The following ARHGEF26 variants were observed in gnomAD, a reference collection of about 807,000 sequenced individuals.
The protein encoded by ARHGEF26 is Rho guanine nucleotide exchange factor (GEF) 26.
ARHGEF26 carries 59 observed loss-of-function variants against 89.4 expected under a neutral mutation model. The observed-to-expected ratio is 0.66, with a 90% CI of 0.54 to 0.82. The LOEUF (loss-of-function observed/expected upper bound fraction) is 0.82. ARHGEF26 is among the 40% of genes least tolerant of loss of function. The pLI is 0.00. For synonymous variants in ARHGEF26, 500 were observed against 428.4 expected (o/e 1.17, Z -2.06); for missense variants, 1,234 against 1,085.6 (o/e 1.14, Z -1.92).
At chr3:154,175,722 T>A (rs1419804464) in intron 6 of ARHGEF26, among the ~76,000 whole-genome samples, 1 of 152,216 alleles carries the variant, frequency 6.6e-6, no homozygotes, top group Non-Finnish European at 1.5e-5. Flanking sequence ...GGAGGGTGTT[T>A]TAGTTCCCCC....
At position 154,253,119 on chromosome 3, in the gene ARHGEF26, C is replaced by T. The variant is rs775359695; in HGVS notation, c.2304C>T (p.Ser768=). ...VEMLLGAETQ[S]ERARWITALG... Reference sequence around the variant, plus strand: ...TTGGATCTGCCCTCTGTTTTAGGAGCGAGCGAGCCCGCTGGATAACTGCCC... The same window carrying T: ...TTGGATCTGCCCTCTGTTTTAGGAGTGAGCGAGCCCGCTGGATAACTGCCC... Residue 768 remains serine, a synonymous_variant, in exon 13 of 15, where the codon AGC becomes AGT. Coordinates refer to ENST00000465093, the MANE Select transcript of ARHGEF26 (RefSeq NM_015595.4). The T allele has an allele frequency of 3.7e-6, 6 of 1,613,822 alleles. No individual in the cohort carries two copies. The highest frequency in any genetic ancestry group is 1.3e-5 in the African/African-American group (1 of 74,920).
intron 1 of ARHGEF26, 143 bp from the exon 2 acceptor site, chr3:154,121,799 T>G: frequency 2.8e-6 from 2 of 713,034 alleles, no homozygotes; most frequent in Non-Finnish European, 4.3e-6. Context: ...AGTGGTGCAG[T>G]TTTTGCCCGA....
At chr3:154,148,477 GAT>G (rs2108089088) in intron 4 of ARHGEF26, among the ~76,000 whole-genome samples, 1 of 152,270 alleles carries the variant, frequency 6.6e-6, no homozygotes, top group African/African-American at 2.4e-5. Flanking sequence ...CCTCTCTTTT[GAT>G]AGGACAAAGT....
chr3:154,132,407 C>T (rs972235819), intron 4 of ARHGEF26, among the ~76,000 whole-genome samples: 3 of 152,080 alleles, frequency 2.0e-5, no homozygotes, highest in Non-Finnish European at 4.4e-5. Context: ...CTGACGTTCT[C>T]TTCTGTCCTT....
At chr3:154,196,294 G>A (rs1028864095) in intron 9 of ARHGEF26, among the ~76,000 whole-genome samples, 2 of 152,128 alleles carry the variant, frequency 1.3e-5, no homozygotes, top group African/African-American at 4.8e-5. Flanking sequence ...ATGTAGGTAG[G>A]GTTAGCTACT....
At chr3:154,192,865 A>C (rs1245726872) in intron 8 of ARHGEF26, among the ~76,000 whole-genome samples, 1 of 152,230 alleles carries the variant, frequency 6.6e-6, no homozygotes, top group Non-Finnish European at 1.5e-5. Context: ...AAAATAAATA[A>C]AATGCATTTT....
At chr3:154,241,699 A>AGG (rs1717491282) in intron 12 of ARHGEF26, among the ~76,000 whole-genome samples, 1 of 152,190 alleles carries the variant, frequency 6.6e-6, no homozygotes, top group African/African-American at 2.4e-5. Context: ...TCATAGCCAT[A>AGG]GGGCAGGATG....
chr3:154,181,303 A>G (rs1473253383), intron 6 of ARHGEF26, among the ~76,000 whole-genome samples: 1 of 152,160 alleles, frequency 6.6e-6, no homozygotes, highest in African/African-American at 2.4e-5. Context: ...ATTATATAAC[A>G]ACAACTTAGA....
At chr3:154,189,046 C>T (rs188176596) in intron 7 of ARHGEF26, among the ~76,000 whole-genome samples, 4 of 152,252 alleles carry the variant, frequency 2.6e-5, no homozygotes, top group Admixed American at 6.5e-5. Context: ...GGTAAAACCA[C>T]ACCCATCACT....
At chr3:154,125,005 G>C (rs1239114554) in intron 3 of ARHGEF26, among the ~76,000 whole-genome samples, 1 of 151,712 alleles carries the variant, frequency 6.6e-6, no homozygotes, top group Non-Finnish European at 1.5e-5. Context: ...GCTTCAACCA[G>C]GTGTTCAAAC....
chr3:154,206,100 GT>G (rs977921070), intron 9 of ARHGEF26, among the ~76,000 whole-genome samples: 12 of 152,196 alleles, frequency 7.9e-5, no homozygotes, highest in South Asian at 2.1e-4. Context: ...CTCAGCTTTT[GT>G]TTGTCTGGGA....
chr3:154,255,320 CT>C lies in ARHGEF26; in HGVS notation c.2474-6del. 1.2e-6 allele frequency: 2 copies of C among 1,610,068 alleles called. No individual in the cohort carries two copies. Among genetic ancestry groups the C allele is most frequent in the Non-Finnish European group, 1.7e-6 (2 of 1,177,914 alleles). On this transcript the variant is annotated splice_polypyrimidine_tract_variant and intron_variant, in intron 14 of 14. Transcript: ENST00000465093. The stretch of plus-strand genomic sequence containing the variant: ...CTTGTTGTTTGGTGTGGACTCTGTT[CT>C]TTTTCACAGGCTGGTATGAGGGGGA...
intron 3 of ARHGEF26, among the ~76,000 whole-genome samples, chr3:154,129,241 G>A (rs1488775940): frequency 2.6e-5 from 4 of 152,088 alleles, no homozygotes; most frequent in African/African-American, 4.8e-5. Context: ...GAATGGTGAT[G>A]GACCTTAAAT....
chr3:154,186,319 A>G (rs1339698257), intron 6 of ARHGEF26, among the ~76,000 whole-genome samples: 1 of 152,162 alleles, frequency 6.6e-6, no homozygotes, highest in Non-Finnish European at 1.5e-5. Context: ...GAAACTACTC[A>G]AGTCTCCATC....
At chr3:154,154,657 T>A (rs1193863930) in intron 6 of ARHGEF26, among the ~76,000 whole-genome samples, 1 of 151,938 alleles carries the variant, frequency 6.6e-6, no homozygotes, top group Admixed American at 6.6e-5. Flanking sequence ...TCCCCTCACT[T>A]TCTTAGATAA....
intron 12 of ARHGEF26, among the ~76,000 whole-genome samples, chr3:154,248,077 A>C (rs1717906608): frequency 6.6e-6 from 1 of 152,238 alleles, no homozygotes; most frequent in Non-Finnish European, 1.5e-5. Context: ...CTGCATTTGC[A>C]GTAAAATTTA....
chr3:154,161,096 A>AG (rs202244715), intron 6 of ARHGEF26, among the ~76,000 whole-genome samples: 1,910 of 23,986 alleles, frequency 0.08, 33 homozygotes, highest in East Asian at 0.46. Context: ...GCTGGTAGCC[A>AG]GGTTTGTGTG....
chr3:154,246,350 G>C (rs1717801026), intron 12 of ARHGEF26, among the ~76,000 whole-genome samples: 1 of 152,154 alleles, frequency 6.6e-6, no homozygotes, highest in Non-Finnish European at 1.5e-5. Flanking sequence ...ACCAGGGAGA[G>C]GGGTGGCAGT....
intron 3 of ARHGEF26, among the ~76,000 whole-genome samples, chr3:154,127,906 A>G (rs569489596): frequency 6.6e-6 from 1 of 152,288 alleles, no homozygotes; most frequent in East Asian, 1.9e-4. Context: ...TCATTGATCA[A>G]AACAATATTA....
Sources: gnomAD v4.1 joint callset for allele counts (sites outside exome capture counted in the v4.1 genomes callset) on GRCh38, gnomAD v4.1.1 for gene constraint, MANE v1.5 for transcripts, NCBI Gene and HGNC (gene_info 2026-07-23, HGNC 2026-07-21) for gene names.